ZBED4: variants seen among roughly 807,000 people sequenced by gnomAD.
ZBED4 encodes zinc finger BED-type containing 4.
In ZBED4, 4 loss-of-function variants were observed where a neutral mutation model predicts 15.5. The observed-to-expected ratio is 0.26, with a 90% CI of 0.13 to 0.59. The LOEUF (loss-of-function observed/expected upper bound fraction) is 0.59, where lower values mean the gene tolerates loss of function less well. Among genes scored for constraint, ZBED4 ranks in the 20% least tolerant of loss-of-function variants. The pLI is 0.90. For missense variants in ZBED4, 1,323 were observed against 1,461.8 expected (o/e 0.91, Z 1.55); for synonymous variants, 692 against 608.5 (o/e 1.14, Z -2.02).
intron 1 of ZBED4, among the ~76,000 whole-genome samples, chr22:49,860,948 T>A (rs2060294605): frequency 6.6e-6 from 1 of 150,926 alleles, no homozygotes; most frequent in African/African-American, 2.4e-5. Flanking sequence ...CCAGCTAATT[T>A]TTTGTACTTT....
intron 1 of ZBED4, among the ~76,000 whole-genome samples, chr22:49,880,182 G>A (rs1022070881): frequency 5.3e-5 from 8 of 152,094 alleles, no homozygotes; most frequent in African/African-American, 1.9e-4. Flanking sequence ...AAGAGCGGCC[G>A]TTGTTGTGAA....
At chr22:49,854,379 G>T (rs924441044) in intron 1 of ZBED4, among the ~76,000 whole-genome samples, 3 of 151,990 alleles carry the variant, frequency 2.0e-5, no homozygotes, top group Admixed American at 6.5e-5. Flanking sequence ...CCCCGTCCCT[G>T]GGACTTCTCT....
intron 1 of ZBED4, among the ~76,000 whole-genome samples, chr22:49,861,529 G>C (rs1438174852): frequency 2.0e-5 from 3 of 151,236 alleles, no homozygotes; most frequent in Non-Finnish European, 2.9e-5. Flanking sequence ...GACCTCACGG[G>C]CTCAAGTGAT....
rs2060435796 is a variant in ZBED4, at chr22:49,885,900, C to T, written c.2238C>T (p.Leu746=). ...ACCAGACCCGTGAGTACCTGACCCT[C>T]ACGGCCCACTGGGTTTCCTTCGAGT... The part of the protein sequence containing the change: ...MSNQTREYLT[L]TAHWVSFESP... The change falls in exon 2 of 2, where the codon CTC becomes CTT. Residue 746 remains leucine (L), a synonymous_variant. Transcript: ENST00000216268. The T allele has an allele frequency of 2.8e-6, 3 of 1,059,100 alleles. No homozygotes were observed. In the South Asian group the frequency reaches 3.9e-5, roughly 14 times the overall value. 65.6% of individuals were successfully genotyped at this position (1,059,100 alleles called of 1,614,324 possible).
intron 1 of ZBED4, among the ~76,000 whole-genome samples, chr22:49,865,557 C>T: frequency 6.6e-6 from 1 of 152,024 alleles, no homozygotes; most frequent in East Asian, 1.9e-4. Flanking sequence ...CACCTGTAAT[C>T]CCAGCTACTC....
At chr22:49,865,339 T>C (rs2060317296) in intron 1 of ZBED4, among the ~76,000 whole-genome samples, 1 of 151,990 alleles carries the variant, frequency 6.6e-6, no homozygotes, top group Non-Finnish European at 1.5e-5. Context: ...GTGCAGCACG[T>C]GACTGTGTGT....
chr22:49,885,875 AC>A lies in ZBED4; in HGVS notation c.2215del (p.Gln739ArgfsTer6). ...IHFTSGIWMS[N>X]QTREYLTLTA... is the part of the protein sequence containing the mutation. ...TTCACGTCTGGAATATGGATGAGTA[AC>A]CAGACCCGTGAGTACCTGACCCTCA... is the stretch of plus-strand genomic sequence containing the variant. On this transcript the variant is annotated frameshift_variant, in exon 2 of 2. Transcript: ENST00000216268. LOFTEE classifies it high-confidence loss of function. The A allele has an allele frequency of 7.7e-7, 1 of 1,294,124 alleles. No homozygotes were observed. Among genetic ancestry groups the A allele is most frequent in the Non-Finnish European group, 1.1e-6 (1 of 892,798 alleles). 80.2% of individuals were successfully genotyped at this position (1,294,124 alleles called of 1,614,324 possible).
chr22:49,878,495 T>G lies in ZBED4; in HGVS notation c.-329-4839T>G, dbSNP rs532962325. ...ATTCTCAACAAAGTTACATGGGCAC[T>G]TCATGGAGAAAGGATTGTCCTTTCA... On this transcript the variant is annotated intron_variant, in intron 1 of 1. Transcript: ENST00000216268. 1.2e-4 allele frequency among the ~76,000 whole-genome samples: 18 copies of G among 152,278 alleles called. No homozygotes were observed. In the South Asian group the frequency reaches 3.7e-3, roughly 32 times the overall value.
At chr22:49,862,063 G>A (rs79791383) in intron 1 of ZBED4, among the ~76,000 whole-genome samples, 7,804 of 152,232 alleles carry the variant, frequency 0.051, 461 homozygotes, top group African/African-American at 0.15. Context: ...TATCTTGAAC[G>A]GGTTTTCATT....
Position 49,885,121 on chromosome 22 carries a change from G to T in ZBED4, c.1459G>T (p.Gly487Trp). ...CRYCGCAISR[G>W]KKGDVGTSCL... The stretch of plus-strand genomic sequence containing the variant: ...GTACTGCGGCTGTGCCATCAGCCGG[G>T]GGAAGAAGGGTGATGTGGGCACCAG... Residue 487 changes from glycine (G) to tryptophan (W), a missense_variant, in exon 2 of 2, where the codon GGG (glycine) becomes TGG (tryptophan). This residue lies in a region of ZBED4 where 429 missense variants were observed against 397.9 expected (regional missense o/e 1.08). Transcript: ENST00000216268. 4 of 1,614,208 alleles carry T rather than the reference G, an allele frequency of 2.5e-6. No individual in the cohort carries two copies. The highest frequency in any genetic ancestry group is 3.4e-6 in the Non-Finnish European group (4 of 1,180,026).
Position 49,875,121 on chromosome 22 carries a change from T to TTTTTTC in ZBED4, c.-329-8212_-329-8211insTTTTCT, listed in dbSNP as rs1601794661. 2.0e-5 allele frequency among the ~76,000 whole-genome samples: 3 copies of TTTTTTC among 152,282 alleles called. No homozygotes were observed. The East Asian group carries it at 5.8e-4, about 29-fold the overall frequency. ...TTTTCTGTGCTCATAGGGTATCAAG[T>TTTTTTC]TGTTTCTTTTATTGTAATGTCTTTG... On this transcript the variant is annotated intron_variant, in intron 1 of 1. Coordinates refer to ENST00000216268, the MANE Select transcript of ZBED4 (RefSeq NM_014838.3).
intron 1 of ZBED4, among the ~76,000 whole-genome samples, chr22:49,861,101 C>T (rs1191578410): frequency 5.3e-5 from 8 of 152,150 alleles, no homozygotes; most frequent in East Asian, 1.9e-4. Flanking sequence ...ACTTCTGCTA[C>T]GTCCTGTAAA....
intron 1 of ZBED4, among the ~76,000 whole-genome samples, chr22:49,869,137 A>G (rs1378184041): frequency 2.6e-5 from 4 of 151,162 alleles, no homozygotes; most frequent in East Asian, 3.9e-4. Flanking sequence ...AAAAAAAAAA[A>G]GAAAAATCAC....
rs1439726916 is a variant in ZBED4 at position 49,889,448 on chromosome 22, C to T, written c.*2270C>T. 6.0e-6 allele frequency: 1 copy of T among 167,060 alleles called. No homozygotes were observed. The highest frequency in any genetic ancestry group is 1.9e-4 in the East Asian group (1 of 5,228). The allele number at this position is 167,060 out of a possible 1,614,324, so 10.3% of individuals were successfully genotyped here. A position where few individuals can be genotyped will look rare whatever the true frequency, so the allele number is the denominator to read the frequency against. On this transcript the variant is annotated 3_prime_UTR_variant, in exon 2 of 2. Transcript: ENST00000216268. ...GCAAGTTTGCTGGCCCTTGAGCTAG[C>T]CTGCCTTTATGGGGTTTTTTTTGTT...
rs1345423802 is a variant in ZBED4 at position 49,888,152 on chromosome 22, A to G, written c.*974A>G. 2.4e-5 allele frequency: 4 copies of G among 167,216 alleles called. No homozygotes were observed. Among genetic ancestry groups the G allele is most frequent in the Non-Finnish European group, 1.5e-5 (1 of 68,122 alleles). 10.4% of individuals were successfully genotyped at this position (167,216 alleles called of 1,614,324 possible). On this transcript the variant is annotated 3_prime_UTR_variant, in exon 2 of 2. Transcript: ENST00000216268. ...TTTAGATTTTTTTATGATAGGGAAG[A>G]TGCGGCCATCACTGGGATATTTTCA... is the stretch of plus-strand genomic sequence containing the variant.
chr22:49,878,585 C>G (rs1389379870), intron 1 of ZBED4, among the ~76,000 whole-genome samples: 1 of 152,136 alleles, frequency 6.6e-6, no homozygotes, highest in East Asian at 1.9e-4. Flanking sequence ...CTTCAGAGAT[C>G]TAAATATAAA....
At chr22:49,881,649 T>C (rs2060410191) in intron 1 of ZBED4, among the ~76,000 whole-genome samples, 1 of 152,186 alleles carries the variant, frequency 6.6e-6, no homozygotes, top group African/African-American at 2.4e-5. Flanking sequence ...AGTTCCTGAG[T>C]AGCTTGGGAC....
Position 49,886,807 on chromosome 22 carries a change from TG to T in ZBED4, c.3146del (p.Cys1049LeufsTer23). The stretch of plus-strand genomic sequence containing the variant: ...AGAGGACGTGGCTGCCTCCCACAGG[TG>T]TGATGCTGGCTCCCCGTCGAAAGAC... ...TSEDVAASHRCDAGSPSKDSA... is the reference protein window; with the variant it reads ...TSEDVAASHRXDAGSPSKDSA... On this transcript the variant is annotated frameshift_variant, in exon 2 of 2. Transcript: ENST00000216268. LOFTEE classifies it low-confidence loss of function (END_TRUNC). The surrounding 1 kb of genome is among the most constrained non-coding windows in gnomAD (Gnocchi z 7.7). The T allele has an allele frequency of 6.2e-7, 1 of 1,613,106 alleles. No individual in the cohort carries two copies. Among genetic ancestry groups the T allele is most frequent in the Non-Finnish European group, 8.5e-7 (1 of 1,179,654 alleles).
chr22:49,885,054 C>G lies in ZBED4; in HGVS notation c.1392C>G (p.His464Gln). The G allele has an allele frequency of 2.5e-6, 4 of 1,612,088 alleles. No homozygotes were observed. Among genetic ancestry groups the G allele is most frequent in the Non-Finnish European group, 3.4e-6 (4 of 1,179,090 alleles). The change falls in exon 2 of 2, where the codon CAC becomes CAG. Residue 464 changes from histidine to glutamine, a missense_variant. This residue lies in a region of ZBED4 where 429 missense variants were observed against 397.9 expected (regional missense o/e 1.08). Coordinates refer to ENST00000216268, the MANE Select transcript of ZBED4 (RefSeq NM_014838.3). ...GACTGAAGTCGGAGGTCTGGCATCA[C>G]TTCTCCCTGGCCCCCATGGACAGCC... ...MKRLKSEVWH[H>Q]FSLAPMDSLK...
Sources: gnomAD v4.1 joint callset for allele counts (sites outside exome capture counted in the v4.1 genomes callset) on GRCh38, gnomAD v4.1.1 for gene constraint, gnomAD v4.1.1 regional missense constraint, Gnocchi (gnomAD v3.1) non-coding constraint, MANE v1.5 for transcripts, NCBI Gene and HGNC (gene_info 2026-07-23, HGNC 2026-07-21) for gene names.